KHDRBS2: variants seen among roughly 807,000 people sequenced by gnomAD.
The protein encoded by KHDRBS2 is KH RNA binding domain containing, signal transduction associated 2.
A neutral mutation model predicts 44.3 loss-of-function variants in KHDRBS2; 26 were observed. The ratio of observed to expected loss-of-function variants is 0.59; its 90% CI spans 0.43 to 0.81. KHDRBS2 has a LOEUF of 0.81. Ranked by LOEUF, KHDRBS2 falls within the 40% of genes least tolerant of loss-of-function variation. The probability of loss-of-function intolerance (pLI) is 0.00; values close to 1 mark genes in which losing one functional copy is unlikely to be tolerated. For missense variants in KHDRBS2, 476 were observed against 433.1 expected, an observed-to-expected ratio of 1.10 and a Z score of -0.88; for synonymous variants, 194 against 151.1, an observed-to-expected ratio of 1.28 and a Z score of -2.08.
chr6:61,909,442 G>T (rs1287323248), intron 4 of KHDRBS2, among the ~76,000 whole-genome samples: 1 of 151,800 alleles, frequency 6.6e-6, no homozygotes, highest in Non-Finnish European at 1.5e-5. Context: ...TCGCTTTTTT[G>T]CTACCAAAAT....
chr6:61,934,047 T>C (rs2127369430), intron 4 of KHDRBS2, among the ~76,000 whole-genome samples: 1 of 152,262 alleles, frequency 6.6e-6, no homozygotes, highest in East Asian at 1.9e-4. Context: ...GCATTAGTGA[T>C]GTTGAACCTT....
At chr6:62,083,136 C>T (rs564199981) in intron 2 of KHDRBS2, among the ~76,000 whole-genome samples, 18 of 152,010 alleles carry the variant, frequency 1.2e-4, no homozygotes, top group South Asian at 1.0e-3. Flanking sequence ...GCCCTGCCCC[C>T]GATTCTGTAG....
At chr6:62,037,187 A>C (rs1452126122) in intron 3 of KHDRBS2, among the ~76,000 whole-genome samples, 1 of 151,912 alleles carries the variant, frequency 6.6e-6, no homozygotes, top group Non-Finnish European at 1.5e-5. Context: ...TTGAAACCTA[A>C]AATTTATAGA....
At chr6:62,060,607 CTG>C (rs1420679896) in intron 2 of KHDRBS2, among the ~76,000 whole-genome samples, 45 of 146,244 alleles carry the variant, frequency 3.1e-4, no homozygotes, top group East Asian at 1.4e-3. Context: ...CTCTCTCTCT[CTG>C]TCTCTCTCTC....
the KHDRBS2 span, among the ~76,000 whole-genome samples, chr6:61,616,470 CATATATATATATAT>C: frequency 1.3e-4 from 19 of 145,090 alleles, no homozygotes; most frequent in African/African-American, 4.6e-4. Flanking sequence ...AAAGAATATA[CATATATATATATAT>C]ATATATATAT....
chr6:61,947,993 G>A (rs868723853), intron 4 of KHDRBS2, among the ~76,000 whole-genome samples: 1 of 151,176 alleles, frequency 6.6e-6, no homozygotes, highest in Middle Eastern at 3.4e-3. Context: ...AAGTTCAGGA[G>A]AGCTGAAGAA....
At chr6:61,669,505 A>G in the KHDRBS2 span, among the ~76,000 whole-genome samples, 3 of 150,948 alleles carry the variant, frequency 2.0e-5, no homozygotes, top group Non-Finnish European at 4.5e-5. Context: ...AGAGAACATT[A>G]TAAAAATGTT....
chr6:62,138,554 CA>C (rs1178064950), intron 2 of KHDRBS2, among the ~76,000 whole-genome samples: 1 of 152,182 alleles, frequency 6.6e-6, no homozygotes, highest in Non-Finnish European at 1.5e-5. Context: ...AGTGATTCTA[CA>C]GCGAGTCGCT....
the KHDRBS2 span, among the ~76,000 whole-genome samples, chr6:61,590,502 C>T: frequency 2.6e-5 from 4 of 152,128 alleles, no homozygotes; most frequent in Non-Finnish European, 5.9e-5. Context: ...TCATATACCA[C>T]TATTAAAGAC....
intron 2 of KHDRBS2, among the ~76,000 whole-genome samples, chr6:62,154,827 A>G (rs538752516): frequency 6.6e-6 from 1 of 152,332 alleles, no homozygotes; most frequent in South Asian, 2.1e-4. Flanking sequence ...AGTTTTGAAA[A>G]TTACTCATGC....
chr6:61,953,014 A>G (rs1765094861), intron 4 of KHDRBS2, among the ~76,000 whole-genome samples: 1 of 152,000 alleles, frequency 6.6e-6, no homozygotes, highest in Non-Finnish European at 1.5e-5. Flanking sequence ...AAACATTTTA[A>G]ATATATTAAT....
intron 2 of KHDRBS2, among the ~76,000 whole-genome samples, chr6:62,159,579 AC>A (rs1817191962): frequency 6.6e-6 from 1 of 152,140 alleles, no homozygotes; most frequent in Admixed American, 6.5e-5. Context: ...TCCCTAAATG[AC>A]AAGGGGGTTG....
chr6:61,665,996 A>G, the KHDRBS2 span, among the ~76,000 whole-genome samples: 1 of 151,118 alleles, frequency 6.6e-6, no homozygotes, highest in Non-Finnish European at 1.5e-5. Context: ...TTATGATTTT[A>G]TTAAGATCAA....
intron 8 of KHDRBS2, among the ~76,000 whole-genome samples, chr6:61,689,234 A>T (rs1767120785): frequency 6.6e-6 from 1 of 151,938 alleles, no homozygotes; most frequent in South Asian, 2.1e-4. Flanking sequence ...TGCTCTTGTC[A>T]TATGTGTCTC....
Position 62,240,672 on chromosome 6 carries a change from G to GTATATATA in KHDRBS2, c.91+45178_91+45185dup, listed in dbSNP as rs4036655. 3.9e-3 allele frequency among the ~76,000 whole-genome samples: 252 copies of GTATATATA among 64,106 alleles called. 1 individual carries two copies. The highest frequency in any genetic ancestry group is 5.6e-3 in the Non-Finnish European group (183 of 32,490). 42.1% of individuals were successfully genotyped at this position (64,106 alleles called of 152,430 possible). On this transcript the variant is annotated intron_variant, in intron 1 of 8. Coordinates refer to ENST00000281156, the MANE Select transcript of KHDRBS2 (RefSeq NM_152688.4). ...TGTATGTGTGTATGTATGTGTGTGT[G>GTATATATA]TATATATATATATATATATATATAT...
chr6:62,222,876 C>T (rs553179191), intron 1 of KHDRBS2, among the ~76,000 whole-genome samples: 27 of 152,186 alleles, frequency 1.8e-4, no homozygotes, highest in Non-Finnish European at 3.5e-4. Flanking sequence ...GCAGCTCCAC[C>T]CCTGTGGCTT....
rs1466676701 is a variant in KHDRBS2 at position 62,049,842 on chromosome 6, G to A, written c.220-1848C>T. On this transcript the variant is annotated intron_variant, in intron 2 of 8. Coordinates refer to ENST00000281156, the MANE Select transcript of KHDRBS2 (RefSeq NM_152688.4). ...TAAGAATGCTTTTATACTGTTGGTG[G>A]GAGTGTAAATCAGATCAAACATTGT... Among the ~76,000 whole-genome samples the A allele has an allele frequency of 3.3e-5, 5 of 152,010 alleles. No homozygotes were observed. The East Asian group carries it at 7.8e-4, about 24-fold the overall frequency.
chr6:62,276,447 A>G (rs1214865261), intron 1 of KHDRBS2, among the ~76,000 whole-genome samples: 2 of 152,070 alleles, frequency 1.3e-5, no homozygotes, highest in South Asian at 2.1e-4. Flanking sequence ...AAATGTGGGG[A>G]AAAAAATGCC....
At chr6:62,203,072 T>C (rs907520423) in intron 1 of KHDRBS2, among the ~76,000 whole-genome samples, 13 of 152,130 alleles carry the variant, frequency 8.5e-5, no homozygotes, top group African/African-American at 2.4e-4. Context: ...GTAAAATTTA[T>C]TGAAGGACCA....
Sources: gnomAD v4.1 joint callset for allele counts (sites outside exome capture counted in the v4.1 genomes callset) on GRCh38, gnomAD v4.1.1 for gene constraint, MANE v1.5 for transcripts, NCBI Gene and HGNC (gene_info 2026-07-23, HGNC 2026-07-21) for gene names.